RORC: variants seen among roughly 807,000 people sequenced by gnomAD.
The protein encoded by RORC is RAR related orphan receptor C.
RORC carries 13 observed loss-of-function variants against 64.5 expected under a neutral mutation model. The ratio of observed to expected loss-of-function variants is 0.20; its 90% confidence interval spans 0.13 to 0.32. RORC has a LOEUF of 0.32. RORC is among the 10% of genes least tolerant of loss of function. The pLI is 1.00. For synonymous variants in RORC, 277 were observed against 259.3 expected (o/e 1.07, Z -0.65); for missense variants, 468 against 669.5 (o/e 0.70, Z 3.32).
At chr1:151,818,668 C>T (rs577402823) in intron 2 of RORC, among the ~76,000 whole-genome samples, 1 of 152,308 alleles carries the variant, frequency 6.6e-6, no homozygotes, top group Non-Finnish European at 1.5e-5. Context: ...GAGTGGGGAG[C>T]CCTGGGGCGG....
chr1:151,816,956 T>G, intron 3 of RORC, 151 bp from the exon 4 acceptor site: 3 of 930,962 alleles, frequency 3.2e-6, no homozygotes, highest in Non-Finnish European at 4.6e-6. Flanking sequence ...AATTGCAATT[T>G]ATCCTGTAGT....
Position 151,807,435 on chromosome 1 carries a change from C to T in RORC, c.*37G>A. The T allele has an allele frequency of 6.2e-7, 1 of 1,604,988 alleles. No individual in the cohort carries two copies. The highest frequency in any genetic ancestry group is 1.3e-5 in the African/African-American group (1 of 74,892). ...AACGGGGTCCAGGGAGGTGGGCCAG[C>T]AGGCCATAGGGAGAGGCAAGGAGTC... On this transcript the variant is annotated 3_prime_UTR_variant, in exon 11 of 11. Coordinates refer to ENST00000318247, the MANE Select transcript of RORC (RefSeq NM_005060.4). The surrounding 1 kb of genome is among the most constrained non-coding windows in gnomAD (Gnocchi z 5.0).
At chr1:151,817,312 A>G (rs1287129474) in intron 2 of RORC, 32 bp from the exon 3 acceptor site, 7 of 1,547,750 alleles carry the variant, frequency 4.5e-6, no homozygotes, top group Middle Eastern at 1.7e-4. Flanking sequence ...AGGTCAGCCC[A>G]GGAGGCTTTT....
intron 2 of RORC, among the ~76,000 whole-genome samples, chr1:151,824,374 C>A (rs1178959398): frequency 6.6e-6 from 1 of 152,192 alleles, no homozygotes; most frequent in African/African-American, 2.4e-5. Flanking sequence ...TCCTGCCCCG[C>A]TGCTGGGCTA....
At chr1:151,829,313 T>C (rs1359292295) in intron 2 of RORC, 116 bp downstream of exon 2, 3 of 949,228 alleles carry the variant, frequency 3.2e-6, no homozygotes, top group Non-Finnish European at 4.7e-6. Context: ...TTGCCTGCCA[T>C]CTCTTCCTGA....
In RORC at chr1:151,813,575, C is replaced by T. The variant is rs775194753; in HGVS notation, c.979G>A (p.Ala327Thr). The T allele has an allele frequency of 6.2e-7, 1 of 1,614,178 alleles. No homozygotes were observed. Among genetic ancestry groups the T allele is most frequent in the Non-Finnish European group, 8.5e-7 (1 of 1,180,022 alleles). ...GCGAACTCCACCACGTACTGAATGG[C>T]CTCGGTGAGGTGGTGGGCACACCGT... ...WERCAHHLTE[A>T]IQYVVEFAKR... Residue 327 changes from alanine (A) to threonine (T), a missense_variant, in exon 7 of 11, where the codon GCC (alanine) becomes ACC (threonine). Ala to Thr is a moderately conservative substitution (Grantham distance 58). Around this residue, in one of 5 missense-constraint regions of RORC, gnomAD observed 100 missense variants for 190.8 expected, o/e 0.52. Coordinates refer to ENST00000318247, the MANE Select transcript of RORC (RefSeq NM_005060.4).
At position 151,814,678 on chromosome 1, in the gene RORC, C is replaced by T. The variant is rs201219763; in HGVS notation, c.829G>A (p.Val277Ile). 2.1e-5 allele frequency: 34 copies of T among 1,609,906 alleles called. No individual in the cohort carries two copies. The highest frequency in any genetic ancestry group is 6.6e-5 in the South Asian group (6 of 90,728). The change falls in exon 6 of 11, where the codon GTC becomes ATC. Residue 277 changes from valine (V) to isoleucine (I), a missense_variant. Around this residue, in one of 5 missense-constraint regions of RORC, gnomAD observed 241 missense variants for 295.5 expected, o/e 0.82. Transcript: ENST00000318247. ...LTEIEHLVQS[V>I]CKSYRETCQL... ...CATGTCTCCCTGTAGGACTTGCAGA[C>T]GCTCTGCACCAGGTGCTCTGGGGCC...
intron 10 of RORC, among the ~76,000 whole-genome samples, chr1:151,808,504 A>C (rs1651399199): frequency 6.6e-6 from 1 of 152,188 alleles, no homozygotes; most frequent in African/African-American, 2.4e-5. Flanking sequence ...AGGCAGTCAG[A>C]GAAAAGCAGG....
intron 8 of RORC, 24 bp downstream of exon 8, chr1:151,813,215 C>T: frequency 1.2e-6 from 2 of 1,600,968 alleles, no homozygotes; most frequent in Non-Finnish European, 1.7e-6. Context: ...AGAATCTTCC[C>T]TCTCATTTCT....
chr1:151,810,286 T>A (rs776754939), intron 10 of RORC, among the ~76,000 whole-genome samples: 4 of 152,150 alleles, frequency 2.6e-5, no homozygotes, highest in African/African-American at 9.7e-5. Context: ...CCCACCCCCA[T>A]GAATGCCTGT....
intron 2 of RORC, among the ~76,000 whole-genome samples, chr1:151,820,845 G>C (rs1215654791): frequency 2.6e-5 from 4 of 152,156 alleles, no homozygotes; most frequent in South Asian, 2.1e-4. Flanking sequence ...CTTATACTTT[G>C]AGTAGCAAGA....
chr1:151,810,900 G>A (rs1651498599), intron 10 of RORC, among the ~76,000 whole-genome samples: 2 of 152,324 alleles, frequency 1.3e-5, no homozygotes, highest in East Asian at 1.9e-4. Context: ...AAGCATGTCA[G>A]CAAAAGCACT....
intron 2 of RORC, among the ~76,000 whole-genome samples, chr1:151,822,185 G>T (rs1287913997): frequency 6.6e-6 from 1 of 151,226 alleles, no homozygotes; most frequent in African/African-American, 2.4e-5. Context: ...CCGGTCAGGG[G>T]TCACTTGCAC....
In RORC at chr1:151,815,035, C is replaced by T. The variant is rs758658288; in HGVS notation, c.689G>A (p.Gly230Glu). The T allele has an allele frequency of 6.2e-7, 1 of 1,614,244 alleles. No individual in the cohort carries two copies. The highest frequency in any genetic ancestry group is 1.1e-5 in the South Asian group (1 of 91,090). ...TGSQLTPDRCGLRFEEHRHPG... is the reference protein window; with the variant it reads ...TGSQLTPDRCELRFEEHRHPG... ...ATGCCTGTGTTCCTCAAAACGAAGT[C>T]CACATCGGTCAGGGGTCAGCTGGCT... is the stretch of plus-strand genomic sequence containing the variant. Residue 230 changes from glycine (G) to glutamate (E), a missense_variant, in exon 5 of 11, where the codon GGA (glycine) becomes GAA (glutamate). Around this residue, in one of 5 missense-constraint regions of RORC, gnomAD observed 241 missense variants for 295.5 expected, o/e 0.82. Transcript: ENST00000318247.
chr1:151,812,852 C>T (rs902591035), intron 9 of RORC, 95 bp downstream of exon 9: 2 of 756,440 alleles, frequency 2.6e-6, no homozygotes, highest in African/African-American at 3.5e-5. Context: ...AGCAATTTCC[C>T]AGATTTAACT....
At chr1:151,813,114 ACACCGCCC>A (rs1651603636) in intron 8 of RORC, 57 bp from the exon 9 acceptor site, 5 of 1,459,154 alleles carry the variant, frequency 3.4e-6, no homozygotes, top group Non-Finnish European at 4.8e-6. Flanking sequence ...GTGCCCGAGG[ACACCGCCC>A]TTATTGTGTT....
At chr1:151,831,128 A>G (rs1266602955) in intron 1 of RORC, 2 of 1,282,834 alleles carry the variant, frequency 1.6e-6, no homozygotes, top group Non-Finnish European at 2.0e-6. Context: ...AGTGCCCCAC[A>G]TTCTCTGCAG....
intron 2 of RORC, among the ~76,000 whole-genome samples, chr1:151,828,747 G>A (rs1652288879): frequency 6.6e-6 from 1 of 152,150 alleles, no homozygotes; most frequent in Non-Finnish European, 1.5e-5. Context: ...TTGGGAGGCC[G>A]AGAGGGGTGG....
intron 10 of RORC, among the ~76,000 whole-genome samples, chr1:151,810,359 C>T (rs1651473245): frequency 6.6e-6 from 1 of 152,038 alleles, no homozygotes; most frequent in Non-Finnish European, 1.5e-5. Context: ...TATTTATGAC[C>T]CACTCCTTTT....
Sources: gnomAD v4.1 joint callset for allele counts (sites outside exome capture counted in the v4.1 genomes callset) on GRCh38, gnomAD v4.1.1 for gene constraint, gnomAD v4.1.1 regional missense constraint, Gnocchi (gnomAD v3.1) non-coding constraint, MANE v1.5 for transcripts, NCBI Gene and HGNC (gene_info 2026-07-23, HGNC 2026-07-21) for gene names.